The following NXPH1 variants were observed in gnomAD, a reference collection of about 807,000 sequenced individuals.
NXPH1 encodes neurexophilin 1.
NXPH1 carries 5 observed loss-of-function variants against 23.7 expected under a neutral mutation model. That is an observed-to-expected ratio of 0.21 (90% CI 0.11 to 0.44). NXPH1 has a LOEUF of 0.44. Ranked by LOEUF, NXPH1 falls within the 20% of genes least tolerant of loss-of-function variation. The pLI is 0.99. For missense variants in NXPH1, 324 were observed against 321.6 expected (o/e 1.01, Z -0.06); for synonymous variants, 144 against 122.2 (o/e 1.18, Z -1.18).
chr7:8,500,447 C>G (rs760642899), intron 2 of NXPH1, among the ~76,000 whole-genome samples: 11 of 152,050 alleles, frequency 7.2e-5, no homozygotes, highest in Non-Finnish European at 1.2e-4. Flanking sequence ...AGCTGTGTGA[C>G]CTTGGGCAGG....
intron 2 of NXPH1, among the ~76,000 whole-genome samples, chr7:8,589,445 G>T (rs1399253215): frequency 3.9e-5 from 6 of 152,060 alleles, no homozygotes; most frequent in Non-Finnish European, 7.4e-5. Flanking sequence ...GGAGAAGATA[G>T]CTGAGAACTA....
chr7:8,681,288 A>G (rs935002765), intron 2 of NXPH1, among the ~76,000 whole-genome samples: 1 of 152,254 alleles, frequency 6.6e-6, no homozygotes, highest in Non-Finnish European at 1.5e-5. Context: ...AAAGTGATAT[A>G]TGATGCAAAA....
At chr7:8,632,723 C>A (rs1039941860) in intron 2 of NXPH1, among the ~76,000 whole-genome samples, 1 of 152,188 alleles carries the variant, frequency 6.6e-6, no homozygotes, top group Non-Finnish European at 1.5e-5. Flanking sequence ...CAAATTTCCC[C>A]TCCCATGAGA....
chr7:8,513,235 C>T (rs1334749759), intron 2 of NXPH1, among the ~76,000 whole-genome samples: 1 of 151,830 alleles, frequency 6.6e-6, no homozygotes, highest in Non-Finnish European at 1.5e-5. Flanking sequence ...AGGAACAGTC[C>T]AGGTGCAGGA....
rs540056222 is a variant in NXPH1 at position 8,678,928 on chromosome 7, A to ATTTTTTTTTTTT, written c.55-72056_55-72045dup. ...TCTAGATTTATCTTTGCTTTATCCA[A>ATTTTTTTTTTTT]TTTTTTTTTTTTTTTTTTTTTTTTT... On this transcript the variant is annotated intron_variant, in intron 2 of 2. Transcript: ENST00000405863. 4.3e-3 allele frequency among the ~76,000 whole-genome samples: 299 copies of ATTTTTTTTTTTT among 68,780 alleles called. 29 individuals carry two copies. Among genetic ancestry groups the ATTTTTTTTTTTT allele is most frequent in the Non-Finnish European group, 5.2e-3 (209 of 39,992 alleles). 45.1% of individuals were successfully genotyped at this position (68,780 alleles called of 152,430 possible). A position where few individuals can be genotyped will look rare whatever the true frequency, so the allele number is the denominator to read the frequency against.
chr7:8,536,248 A>T (rs1584218272), intron 2 of NXPH1, among the ~76,000 whole-genome samples: 1 of 152,204 alleles, frequency 6.6e-6, no homozygotes, highest in East Asian at 1.9e-4. Flanking sequence ...ACTCACATGT[A>T]TCAACGCATA....
intron 2 of NXPH1, among the ~76,000 whole-genome samples, chr7:8,730,167 G>A (rs1371399135): frequency 6.7e-6 from 1 of 148,948 alleles, no homozygotes; most frequent in Non-Finnish European, 1.5e-5. Context: ...TGCAACCCCT[G>A]CCTTTTTTTG....
intron 2 of NXPH1, among the ~76,000 whole-genome samples, chr7:8,695,657 C>A (rs1299478540): frequency 6.6e-6 from 1 of 152,168 alleles, no homozygotes; most frequent in Non-Finnish European, 1.5e-5. Flanking sequence ...GGTCTTCCAA[C>A]TTAACTTCTA....
chr7:8,676,862 C>T (rs1255592576), intron 2 of NXPH1, among the ~76,000 whole-genome samples: 4 of 152,098 alleles, frequency 2.6e-5, no homozygotes, highest in Non-Finnish European at 5.9e-5. Context: ...AAAGAGCCAA[C>T]CAAGGTGATT....
At chr7:8,653,622 T>G (rs899977092) in intron 2 of NXPH1, among the ~76,000 whole-genome samples, 1 of 152,208 alleles carries the variant, frequency 6.6e-6, no homozygotes, top group Non-Finnish European at 1.5e-5. Context: ...AGAAGGATAG[T>G]CTATACCAAC....
At chr7:8,744,752 T>G (rs1017742719) in intron 2 of NXPH1, among the ~76,000 whole-genome samples, 4 of 152,244 alleles carry the variant, frequency 2.6e-5, no homozygotes, top group Non-Finnish European at 5.9e-5. Context: ...TCCTTGCAGA[T>G]GCAAGCAAGC....
intron 2 of NXPH1, among the ~76,000 whole-genome samples, chr7:8,489,263 C>T (rs1044727057): frequency 2.6e-5 from 4 of 152,030 alleles, no homozygotes; most frequent in African/African-American, 9.7e-5. Flanking sequence ...AAGGGGGTGG[C>T]CTTCTCATAT....
intron 2 of NXPH1, among the ~76,000 whole-genome samples, chr7:8,569,998 G>T (rs1818615619): frequency 1.3e-5 from 2 of 151,744 alleles, no homozygotes; most frequent in Admixed American, 1.3e-4. Flanking sequence ...TAAAATAGTT[G>T]GTACAATGCC....
At chr7:8,542,686 G>T (rs1050427622) in intron 2 of NXPH1, among the ~76,000 whole-genome samples, 1 of 151,530 alleles carries the variant, frequency 6.6e-6, no homozygotes, top group African/African-American at 2.4e-5. Flanking sequence ...ATAACTAAAT[G>T]AAATTACTTA....
chr7:8,538,951 A>C (rs1435187562), intron 2 of NXPH1, among the ~76,000 whole-genome samples: 2 of 151,886 alleles, frequency 1.3e-5, no homozygotes, highest in Non-Finnish European at 2.9e-5. Flanking sequence ...AAATATTACT[A>C]GTGGTTGGTA....
intron 2 of NXPH1, among the ~76,000 whole-genome samples, chr7:8,573,729 T>C (rs149624259): frequency 6.6e-6 from 1 of 152,304 alleles, no homozygotes; most frequent in Non-Finnish European, 1.5e-5. Context: ...CAGTTAATTA[T>C]AGGTTATTAA....
intron 2 of NXPH1, among the ~76,000 whole-genome samples, chr7:8,693,035 T>C (rs1009357632): frequency 2.0e-5 from 3 of 151,256 alleles, no homozygotes; most frequent in African/African-American, 7.3e-5. Context: ...CTTAGGAAAA[T>C]AGAAAAAAGA....
chr7:8,579,485 G>T (rs1014223991), intron 2 of NXPH1, among the ~76,000 whole-genome samples: 5 of 151,440 alleles, frequency 3.3e-5, no homozygotes, highest in African/African-American at 1.2e-4. Context: ...CAATTCTCCT[G>T]CTTCAGTCTC....
At chr7:8,569,647 C>T (rs947188450) in intron 2 of NXPH1, among the ~76,000 whole-genome samples, 1 of 151,798 alleles carries the variant, frequency 6.6e-6, no homozygotes, top group Non-Finnish European at 1.5e-5. Context: ...ACACTCATCT[C>T]TATTTTTGTG....
Sources: gnomAD v4.1 joint callset for allele counts (sites outside exome capture counted in the v4.1 genomes callset) on GRCh38, gnomAD v4.1.1 for gene constraint, MANE v1.5 for transcripts, NCBI Gene and HGNC (gene_info 2026-07-23, HGNC 2026-07-21) for gene names.